Variants in KCTD21 observed in about 807,000 individuals in gnomAD.
KCTD21 encodes potassium channel tetramerization domain containing 21.
In KCTD21, 9 loss-of-function variants were observed where a neutral mutation model predicts 13.2. The ratio of observed to expected loss-of-function variants is 0.68; its 90% confidence interval spans 0.41 to 1.19. KCTD21 has a LOEUF of 1.19. KCTD21 is among the 50% of genes most tolerant of loss of function. The pLI is 0.01. For synonymous variants in KCTD21, 142 were observed against 137.4 expected (o/e 1.03, Z -0.23); for missense variants, 303 against 336.5 (o/e 0.90, Z 0.78).
At chr11:78,178,477 C>T (rs897691217) in intron 1 of KCTD21, among the ~76,000 whole-genome samples, 1 of 152,142 alleles carries the variant, frequency 6.6e-6, no homozygotes, top group African/African-American at 2.4e-5. Context: ...CATCACAAAT[C>T]CACGGCCCTG....
At chr11:78,177,901 CAAACTCTTATTTCTCTGCTTGCA>C (rs1195029019) in intron 1 of KCTD21, 1 of 152,222 alleles carries the variant, frequency 6.6e-6, no homozygotes, top group Non-Finnish European at 1.5e-5. Context: ...GGTAGGTGCC[CAAACTCTTATTTCTCTGCTTGCA>C]AAAGCAGCAG....
At position 78,174,333 on chromosome 11, in the gene KCTD21, G is replaced by C; in HGVS notation, c.222C>G (p.Phe74Leu). Reference sequence around the variant, plus strand: ...CCCTGCGGAGCAGCCCCATCTCCTGGAAGTCCTCAGGCAGGTCAAGGTGGG... The same window carrying C: ...CCCTGCGGAGCAGCCCCATCTCCTGCAAGTCCTCAGGCAGGTCAAGGTGGG... ...RTSHLDLPED[F>L]QEMGLLRREA... Residue 74 changes from phenylalanine to leucine, a missense_variant, in exon 2 of 2, where the codon TTC (phenylalanine) becomes TTG (leucine). Transcript: ENST00000340067. The C allele has an allele frequency of 6.2e-7, 1 of 1,614,070 alleles. No homozygotes were observed. Among genetic ancestry groups the C allele is most frequent in the Non-Finnish European group, 8.5e-7 (1 of 1,179,990 alleles).
Position 78,188,616 on chromosome 11 carries a change from C to T in KCTD21, c.-73G>A. 2 of 985,484 alleles carry T rather than the reference C, an allele frequency of 2.0e-6. No individual in the cohort carries two copies. The highest frequency in any genetic ancestry group is 1.2e-6 in the Non-Finnish European group (1 of 829,962). 61.0% of individuals were successfully genotyped at this position (985,484 alleles called of 1,614,324 possible). ...AGCCTCTCCCTCCGCGAGCGGCCAG[C>T]GCAGCTTTGCGAGGGGGGCGGAGGG... On this transcript the variant is annotated 5_prime_UTR_variant, in exon 1 of 2. Coordinates refer to ENST00000340067, the MANE Select transcript of KCTD21 (RefSeq NM_001029859.3).
chr11:78,180,363 A>G (rs1405019613), intron 1 of KCTD21, among the ~76,000 whole-genome samples: 2 of 152,212 alleles, frequency 1.3e-5, no homozygotes, highest in African/African-American at 4.8e-5. Flanking sequence ...AAATAACCCA[A>G]TTAAAAAACA....
rs1460770407 is a variant in KCTD21, at chr11:78,188,062, C to A, written c.-30+511G>T. ...CAGTAAAGGGAGGTGTTCTATGCAT[C>A]ACAGGCTTTTGCCCACGCCGCCACA... On this transcript the variant is annotated intron_variant, in intron 1 of 1. Coordinates refer to ENST00000340067, the MANE Select transcript of KCTD21 (RefSeq NM_001029859.3). 6.1e-6 allele frequency: 6 copies of A among 985,328 alleles called. No individual in the cohort carries two copies. In the South Asian group the frequency reaches 1.4e-4, roughly 23 times the overall value. 61.0% of individuals were successfully genotyped at this position (985,328 alleles called of 1,614,324 possible).
At chr11:78,182,909 C>G (rs988417470) in intron 1 of KCTD21, among the ~76,000 whole-genome samples, 2 of 152,160 alleles carry the variant, frequency 1.3e-5, no homozygotes, top group African/African-American at 4.8e-5. Flanking sequence ...CCATAATGAG[C>G]ATTACTTCCA....
At chr11:78,181,791 A>G (rs1235598604) in intron 1 of KCTD21, among the ~76,000 whole-genome samples, 2 of 152,132 alleles carry the variant, frequency 1.3e-5, no homozygotes, top group Non-Finnish European at 2.9e-5. Flanking sequence ...AATTAAAAAA[A>G]AAGTGTAAAT....
chr11:78,183,886 C>T (rs1201269388), intron 1 of KCTD21, among the ~76,000 whole-genome samples: 10 of 152,174 alleles, frequency 6.6e-5, no homozygotes, highest in East Asian at 1.9e-4. Context: ...CCGCCCGCCT[C>T]GGCCTCCCAA....
chr11:78,176,109 CCA>C (rs1405036986), intron 1 of KCTD21: 1 of 152,116 alleles, frequency 6.6e-6, no homozygotes, highest in Non-Finnish European at 1.5e-5. Context: ...TGTATATGTG[CCA>C]CATTTTCTTA....
rs929738344 is a variant in KCTD21 at position 78,171,727 on chromosome 11, T to C, written c.*2045A>G. 2.0e-5 allele frequency: 3 copies of C among 152,180 alleles called. No individual in the cohort carries two copies. The highest frequency in any genetic ancestry group is 4.4e-5 in the Non-Finnish European group (3 of 68,040). 9.4% of individuals were successfully genotyped at this position (152,180 alleles called of 1,614,324 possible). A position where few individuals can be genotyped will look rare whatever the true frequency, so the allele number is the denominator to read the frequency against. On this transcript the variant is annotated 3_prime_UTR_variant, in exon 2 of 2. Transcript: ENST00000340067. ...TTCAAGCGATTCTACTGCCTCAGCC[T>C]CCCAAATAGCTGGGGTTATAGGCGC...
intron 1 of KCTD21, 168 bp downstream of exon 1, chr11:78,188,405 C>G: frequency 1.0e-6 from 1 of 985,674 alleles, no homozygotes; most frequent in Non-Finnish European, 1.2e-6. Context: ...TCACCTCGCT[C>G]CGAAACGCGC....
In KCTD21 at chr11:78,172,452, A is replaced by T. The variant is rs1862305545; in HGVS notation, c.*1320T>A. 6.6e-6 allele frequency: 1 copy of T among 152,260 alleles called. No individual in the cohort carries two copies. Among genetic ancestry groups the T allele is most frequent in the Non-Finnish European group, 1.5e-5 (1 of 68,100 alleles). The allele number at this position is 152,260 out of a possible 1,614,324, so 9.4% of individuals were successfully genotyped here. A position where few individuals can be genotyped will look rare whatever the true frequency, so the allele number is the denominator to read the frequency against. On this transcript the variant is annotated 3_prime_UTR_variant, in exon 2 of 2. Transcript: ENST00000340067. ...TTCCAGCAGAAAATGGTCGAAAGGT[A>T]TATGGAGCCACAGATGGTGGGGAAG...
chr11:78,182,858 T>C (rs1862669738), intron 1 of KCTD21, among the ~76,000 whole-genome samples: 1 of 152,210 alleles, frequency 6.6e-6, no homozygotes, highest in Admixed American at 6.5e-5. Flanking sequence ...CAAGAGCTCT[T>C]TTCTGTGCAA....
intron 1 of KCTD21, 73 bp downstream of exon 1, chr11:78,188,500 C>T (rs1318582292): frequency 2.0e-6 from 2 of 985,216 alleles, no homozygotes; most frequent in Non-Finnish European, 2.4e-6. Flanking sequence ...CATGGTAAGA[C>T]AGGTGCTCAG....
At chr11:78,180,043 G>A (rs748001720) in intron 1 of KCTD21, among the ~76,000 whole-genome samples, 15 of 152,146 alleles carry the variant, frequency 9.9e-5, no homozygotes, top group Non-Finnish European at 1.6e-4. Flanking sequence ...CATCTCTTAT[G>A]CTGTTTATGA....
At chr11:78,180,264 G>A (rs919566416) in intron 1 of KCTD21, among the ~76,000 whole-genome samples, 1 of 152,146 alleles carries the variant, frequency 6.6e-6, no homozygotes, top group African/African-American at 2.4e-5. Flanking sequence ...GAAAGAATAA[G>A]ACACAGATGG....
At chr11:78,174,794 A>G (rs1011776240) in intron 1 of KCTD21, 23 of 445,484 alleles carry the variant, frequency 5.2e-5, no homozygotes, top group Non-Finnish European at 9.1e-5. Context: ...GGAAAAAGGA[A>G]ACAGGGAAAG....
intron 1 of KCTD21, chr11:78,176,806 C>T (rs1052970659): frequency 6.6e-6 from 1 of 150,640 alleles, no homozygotes; most frequent in African/African-American, 2.4e-5. Flanking sequence ...CCAGCCTGGC[C>T]AACATGACGA....
intron 1 of KCTD21, among the ~76,000 whole-genome samples, chr11:78,179,537 A>C (rs934904031): frequency 1.3e-5 from 2 of 150,820 alleles, no homozygotes; most frequent in Admixed American, 1.3e-4. Flanking sequence ...CCCTATAGCT[A>C]CTCCCAGAGC....
Sources: gnomAD v4.1 joint callset for allele counts (sites outside exome capture counted in the v4.1 genomes callset) on GRCh38, gnomAD v4.1.1 for gene constraint, MANE v1.5 for transcripts, NCBI Gene and HGNC (gene_info 2026-07-23, HGNC 2026-07-21) for gene names.